The following SORCS3 variants were observed in gnomAD, a reference collection of about 807,000 sequenced individuals.
The protein encoded by SORCS3 is sortilin related VPS10 domain containing receptor 3.
In SORCS3, 57 loss-of-function variants were observed where a neutral mutation model predicts 146.3. The ratio of observed to expected loss-of-function variants is 0.39; its 90% CI spans 0.31 to 0.49. SORCS3 has a LOEUF of 0.49. SORCS3 is among the 20% of genes least tolerant of loss of function. SORCS3 has a pLI of 0.92. For synonymous variants in SORCS3, 653 were observed against 618.5 expected (o/e 1.06, Z -0.83); for missense variants, 1,341 against 1,575.5 (o/e 0.85, Z 2.52).
intron 4 of SORCS3, among the ~76,000 whole-genome samples, chr10:104,987,792 T>C (rs1350455005): frequency 6.6e-6 from 1 of 152,200 alleles, no homozygotes; most frequent in Non-Finnish European, 1.5e-5. Flanking sequence ...GTTTTTCAGA[T>C]GAATTTTCCG....
In SORCS3 at chr10:104,887,974, G is replaced by A. The variant is rs971465694; in HGVS notation, c.696-27859G>A. On this transcript the variant is annotated intron_variant, in intron 2 of 26. Transcript: ENST00000369701. ...ATGGTGGGGGCGGGGGGGCGGGGGC[G>A]GAGCAAGCCCATGAAGACAGCATGA... Among the ~76,000 whole-genome samples the A allele has an allele frequency of 8.8e-5, 13 of 147,780 alleles. 1 individual carries two copies. The highest frequency in any genetic ancestry group is 1.9e-4 in the Non-Finnish European group (13 of 67,150).
chr10:104,848,894 A>G (rs1244028288), intron 2 of SORCS3, among the ~76,000 whole-genome samples: 1 of 152,216 alleles, frequency 6.6e-6, no homozygotes, highest in Non-Finnish European at 1.5e-5. Context: ...CAGCAGGCAT[A>G]TGCAAGAATA....
chr10:105,101,543 A>G (rs1185982170), intron 6 of SORCS3, among the ~76,000 whole-genome samples: 1 of 152,196 alleles, frequency 6.6e-6, no homozygotes, highest in Non-Finnish European at 1.5e-5. Flanking sequence ...TTCCTGTTAA[A>G]TTGGACCTTT....
In SORCS3 at chr10:104,976,291, C is replaced by T. The variant is rs2054897025; in HGVS notation, c.796-1044C>T. On this transcript the variant is annotated intron_variant, in intron 3 of 26. Coordinates refer to ENST00000369701, the MANE Select transcript of SORCS3 (RefSeq NM_014978.3). ...TTCTCAAAAGGAGACATTTATGCAG[C>T]CAAAAAACACATGAAAAAATGCTCA... Among the ~76,000 whole-genome samples, 4 of 152,204 alleles carry T rather than the reference C, an allele frequency of 2.6e-5. No homozygotes were observed. In the South Asian group the frequency reaches 8.3e-4, roughly 32 times the overall value.
intron 3 of SORCS3, among the ~76,000 whole-genome samples, chr10:104,929,536 G>T (rs574642141): frequency 1.3e-5 from 2 of 152,302 alleles, no homozygotes; most frequent in East Asian, 3.9e-4. Context: ...AGCAGGCAGG[G>T]CCCAGTGGCC....
At chr10:104,918,273 AT>A (rs1204219863) in intron 3 of SORCS3, among the ~76,000 whole-genome samples, 4 of 152,138 alleles carry the variant, frequency 2.6e-5, no homozygotes, top group Non-Finnish European at 5.9e-5. Flanking sequence ...GTTAGAAATC[AT>A]TTTTCCATGC....
At chr10:104,930,186 T>TAA (rs144611357) in intron 3 of SORCS3, among the ~76,000 whole-genome samples, 1 of 150,650 alleles carries the variant, frequency 6.6e-6, no homozygotes, top group African/African-American at 2.4e-5. Context: ...ATTGTTCTAA[T>TAA]AAAAAAAAAG....
chr10:104,657,470 A>G (rs1351421111), intron 1 of SORCS3, among the ~76,000 whole-genome samples: 1 of 152,208 alleles, frequency 6.6e-6, no homozygotes, highest in Non-Finnish European at 1.5e-5. Context: ...TTTCGAGATC[A>G]TTAGCCTGCT....
At chr10:104,909,176 G>T (rs745939606) in intron 2 of SORCS3, among the ~76,000 whole-genome samples, 1 of 152,086 alleles carries the variant, frequency 6.6e-6, no homozygotes, top group South Asian at 2.1e-4. Context: ...AGCTGCAAAA[G>T]GTCAGAGTTG....
At chr10:105,021,144 A>G (rs1476545718) in intron 4 of SORCS3, among the ~76,000 whole-genome samples, 1 of 152,174 alleles carries the variant, frequency 6.6e-6, no homozygotes, top group African/African-American at 2.4e-5. Flanking sequence ...ATGACAGAAT[A>G]CCTGAGGCTG....
chr10:104,929,407 T>C (rs2019183106), intron 3 of SORCS3, among the ~76,000 whole-genome samples: 1 of 152,212 alleles, frequency 6.6e-6, no homozygotes, highest in Non-Finnish European at 1.5e-5. Context: ...TCTATACTTC[T>C]TTATATCAGC....
chr10:104,726,021 C>T (rs996767222), intron 1 of SORCS3, among the ~76,000 whole-genome samples: 15 of 152,346 alleles, frequency 9.8e-5, no homozygotes, highest in African/African-American at 1.9e-4. Flanking sequence ...GAGATGAACC[C>T]GGTACCTCAG....
chr10:105,161,914 A>G (rs2056266964), intron 11 of SORCS3, among the ~76,000 whole-genome samples: 1 of 152,038 alleles, frequency 6.6e-6, no homozygotes, highest in East Asian at 1.9e-4. Flanking sequence ...TGCCAGCTCC[A>G]CAGCTAACCA....
intron 1 of SORCS3, among the ~76,000 whole-genome samples, chr10:104,647,393 T>C (rs969225068): frequency 1.3e-5 from 2 of 152,234 alleles, no homozygotes; most frequent in Non-Finnish European, 2.9e-5. Flanking sequence ...CTGTGAAACT[T>C]TCCTTAGAAG....
chr10:105,165,014 A>G (rs979240050), intron 12 of SORCS3, among the ~76,000 whole-genome samples: 7 of 152,200 alleles, frequency 4.6e-5, no homozygotes, highest in Admixed American at 1.3e-4. Flanking sequence ...GCTATGGAGC[A>G]CTTGAAATAT....
intron 5 of SORCS3, among the ~76,000 whole-genome samples, chr10:105,043,401 G>A (rs186282675): frequency 3.4e-4 from 51 of 152,220 alleles, no homozygotes; most frequent in Non-Finnish European, 6.9e-4. Flanking sequence ...GAGAGGCACT[G>A]GGCTTAAAGA....
At chr10:104,909,792 T>G (rs76388385) in intron 2 of SORCS3, among the ~76,000 whole-genome samples, 2 of 108,584 alleles carry the variant, frequency 1.8e-5, no homozygotes. Context: ...TTTTCTGTTT[T>G]TTTTTTTTTC....
chr10:105,181,555 A>T (rs1284595361), intron 14 of SORCS3, among the ~76,000 whole-genome samples: 1 of 152,172 alleles, frequency 6.6e-6, no homozygotes. Context: ...GGACATTTCT[A>T]ACACCGTAGC....
chr10:104,937,096 T>A (rs2019267821), intron 3 of SORCS3, among the ~76,000 whole-genome samples: 1 of 152,216 alleles, frequency 6.6e-6, no homozygotes, highest in East Asian at 1.9e-4. Context: ...ATTAGTTAGA[T>A]TCTCATAAGT....
Sources: allele counts gnomAD v4.1 joint callset (sites outside exome capture counted in the v4.1 genomes callset), GRCh38; gene constraint gnomAD v4.1.1; transcripts MANE v1.5; gene names NCBI Gene and HGNC (gene_info 2026-07-23, HGNC 2026-07-21).